NBAS: variants seen among roughly 807,000 people sequenced by gnomAD.
NBAS encodes the protein NAG/BC035112 fusion.
In NBAS, 219 loss-of-function variants were observed where a neutral mutation model predicts 302.5. The ratio of observed to expected loss-of-function variants is 0.72; its 90% confidence interval spans 0.65 to 0.81. The LOEUF is 0.81. Ranked by LOEUF, NBAS falls within the 30% of genes least tolerant of loss-of-function variation. NBAS has a pLI of 0.00. For synonymous variants in NBAS, 1,118 were observed against 1,021.6 expected, an observed-to-expected ratio of 1.09 and a Z score of -1.80; for missense variants, 2,932 against 2,841.6, an observed-to-expected ratio of 1.03 and a Z score of -0.72.
At chr2:15,513,854 T>C (rs1437166945) in intron 9 of NBAS, among the ~76,000 whole-genome samples, 1 of 151,268 alleles carries the variant, frequency 6.6e-6, no homozygotes, top group East Asian at 1.9e-4. Flanking sequence ...GGTGTAGTCA[T>C]AGGTACCTAC....
At chr2:15,113,495 G>C in the NBAS span, among the ~76,000 whole-genome samples, 2 of 152,008 alleles carry the variant, frequency 1.3e-5, no homozygotes, top group Non-Finnish European at 2.9e-5. Flanking sequence ...TTCACAATGA[G>C]TCTGAAAAAT....
the NBAS span, among the ~76,000 whole-genome samples, chr2:15,107,994 C>G: frequency 0.043 from 6,509 of 152,140 alleles, 252 homozygotes; most frequent in Admixed American, 0.099. Context: ...TGAGGGTCAT[C>G]ATGTTGAATC....
chr2:15,508,415 G>A (rs1661973392), intron 10 of NBAS, among the ~76,000 whole-genome samples: 1 of 152,112 alleles, frequency 6.6e-6, no homozygotes, highest in African/African-American at 2.4e-5. Flanking sequence ...TGCCTACTGG[G>A]TCCCAAATAA....
chr2:15,369,583 C>T (rs1319185087), intron 31 of NBAS, among the ~76,000 whole-genome samples: 1 of 152,140 alleles, frequency 6.6e-6, no homozygotes, highest in Non-Finnish European at 1.5e-5. Flanking sequence ...TGATTTAGGG[C>T]CTGCTTAATT....
rs376196738 is a variant in NBAS at position 15,275,650 on chromosome 2, T to C, written c.5558A>G (p.Lys1853Arg). 3 of 1,614,192 alleles carry C rather than the reference T, an allele frequency of 1.9e-6. No homozygotes were observed. The highest frequency in any genetic ancestry group is 1.6e-4 in the Middle Eastern group (1 of 6,062). ...PSSLYTIWLQKLFWTGDPHLI... is the reference protein window; with the variant it reads ...PSSLYTIWLQRLFWTGDPHLI... The stretch of plus-strand genomic sequence containing the variant: ...ATGAGGGTCTCCAGTCCAGAACAAC[T>C]TCTGTAACCAGATGGTGTACAGAGA... Residue 1853 changes from lysine (K) to arginine (R), a missense_variant, in exon 44 of 52, where the codon AAG becomes AGG. Transcript: ENST00000281513.
chr2:15,108,062 C>A, the NBAS span, among the ~76,000 whole-genome samples: 1 of 150,728 alleles, frequency 6.6e-6, no homozygotes, highest in African/African-American at 2.5e-5. Flanking sequence ...TATTAACATA[C>A]CAAATCTGTG....
intron 19 of NBAS, among the ~76,000 whole-genome samples, chr2:15,463,531 T>G (rs1216624822): frequency 6.6e-6 from 1 of 152,098 alleles, no homozygotes; most frequent in East Asian, 1.9e-4. Context: ...CACTTTCCAT[T>G]TCCCCTCAAA....
At chr2:15,357,077 C>A (rs1450727912) in intron 32 of NBAS, among the ~76,000 whole-genome samples, 1 of 152,130 alleles carries the variant, frequency 6.6e-6, no homozygotes, top group Non-Finnish European at 1.5e-5. Flanking sequence ...ACCACCAACC[C>A]CCAGATGTTA....
chr2:14,863,988 C>T, the NBAS span, among the ~76,000 whole-genome samples: 1 of 152,208 alleles, frequency 6.6e-6, no homozygotes, highest in African/African-American at 2.4e-5. Flanking sequence ...GATTAACACT[C>T]CAACAGGATG....
At chr2:14,832,972 T>G in the NBAS span, among the ~76,000 whole-genome samples, 3 of 152,162 alleles carry the variant, frequency 2.0e-5, no homozygotes, top group African/African-American at 7.2e-5. Context: ...AAGAAGAGAC[T>G]GAAATGCAGG....
intron 48 of NBAS, among the ~76,000 whole-genome samples, chr2:15,198,743 A>G (rs1572433825): frequency 6.6e-6 from 1 of 152,224 alleles, no homozygotes; most frequent in Non-Finnish European, 1.5e-5. Context: ...AAAATAGCAC[A>G]ATACAAATGA....
the NBAS span, among the ~76,000 whole-genome samples, chr2:14,919,533 T>A: frequency 3.9e-5 from 6 of 152,358 alleles, no homozygotes; most frequent in African/African-American, 1.4e-4. Flanking sequence ...TTACAAAATA[T>A]GTTTCTGCAG....
intron 6 of NBAS, among the ~76,000 whole-genome samples, chr2:15,540,816 G>A (rs995423353): frequency 6.6e-6 from 1 of 151,772 alleles, no homozygotes; most frequent in Admixed American, 6.6e-5. Flanking sequence ...TCCATCTCCT[G>A]GGCTCAAGCA....
chr2:15,251,072 T>A (rs961854645), intron 44 of NBAS, among the ~76,000 whole-genome samples: 1 of 152,108 alleles, frequency 6.6e-6, no homozygotes, highest in Non-Finnish European at 1.5e-5. Context: ...TGCCCATCAA[T>A]GATAAACCAG....
intron 1 of NBAS, 105 bp downstream of exon 1, chr2:15,561,083 C>G (rs369254446): frequency 3.9e-6 from 3 of 767,688 alleles, no homozygotes; most frequent in South Asian, 1.3e-5. Context: ...CGGCCCTAGT[C>G]CCCCACCCAC....
the NBAS span, among the ~76,000 whole-genome samples, chr2:15,027,638 T>C: frequency 6.6e-6 from 1 of 152,188 alleles, no homozygotes; most frequent in Non-Finnish European, 1.5e-5. Flanking sequence ...TGCTGTGTTC[T>C]TGCATTCACT....
At chr2:14,984,198 C>T in the NBAS span, among the ~76,000 whole-genome samples, 1 of 152,172 alleles carries the variant, frequency 6.6e-6, no homozygotes, top group Admixed American at 6.5e-5. Flanking sequence ...TTCCTTCACT[C>T]CTCATCTTTT....
the NBAS span, among the ~76,000 whole-genome samples, chr2:14,878,612 A>G: frequency 6.6e-6 from 1 of 152,088 alleles, no homozygotes; most frequent in Non-Finnish European, 1.5e-5. Context: ...TCCTCTATGT[A>G]CTCACTGTTT....
the NBAS span, among the ~76,000 whole-genome samples, chr2:15,042,523 C>T: frequency 1.3e-5 from 2 of 152,208 alleles, no homozygotes; most frequent in African/African-American, 4.8e-5. Flanking sequence ...ACACCAAGGG[C>T]TTAGGTAGAA....
Sources: allele counts gnomAD v4.1 joint callset (sites outside exome capture counted in the v4.1 genomes callset), GRCh38; gene constraint gnomAD v4.1.1; transcripts MANE v1.5; gene names NCBI Gene and HGNC (gene_info 2026-07-23, HGNC 2026-07-21).